HERC4: variants seen among roughly 807,000 people sequenced by gnomAD.
HERC4 encodes the protein probable E3 ubiquitin-protein ligase HERC4.
A neutral mutation model predicts 124.3 loss-of-function variants in HERC4; 28 were observed. The ratio of observed to expected loss-of-function variants is 0.23; its 90% CI spans 0.17 to 0.31. The LOEUF (loss-of-function observed/expected upper bound fraction) is 0.31, where lower values mean the gene tolerates loss of function less well. Ranked by LOEUF, HERC4 falls within the 10% of genes least tolerant of loss-of-function variation. HERC4 has a pLI of 1.00. For synonymous variants in HERC4, 407 were observed against 421.5 expected (o/e 0.97, Z 0.42); for missense variants, 713 against 1,229.3 (o/e 0.58, Z 6.28).
chr10:67,957,834 G>A (rs1442366731), intron 16 of HERC4, among the ~76,000 whole-genome samples: 1 of 151,914 alleles, frequency 6.6e-6, no homozygotes, highest in East Asian at 1.9e-4. Context: ...CCCATACAGA[G>A]TCTTGCACTG....
chr10:68,038,423 A>T (rs1589391253), intron 4 of HERC4: 1 of 307,948 alleles, frequency 3.2e-6, no homozygotes, highest in Middle Eastern at 9.4e-4. Context: ...AGTGAGCTAT[A>T]CTCATACCTC....
intron 15 of HERC4, among the ~76,000 whole-genome samples, chr10:67,967,287 C>A (rs541136936): frequency 2.0e-5 from 3 of 152,024 alleles, no homozygotes; most frequent in Non-Finnish European, 2.9e-5. Flanking sequence ...ATGGGAGACA[C>A]AAAGATTTGT....
chr10:67,925,630 T>C (rs938831280), intron 23 of HERC4, among the ~76,000 whole-genome samples: 8 of 152,108 alleles, frequency 5.3e-5, no homozygotes, highest in African/African-American at 1.9e-4. Flanking sequence ...TGGCCACCAG[T>C]GAGCACTGCC....
chr10:67,963,164 T>G (rs992956549), intron 16 of HERC4, among the ~76,000 whole-genome samples: 4 of 152,216 alleles, frequency 2.6e-5, no homozygotes, highest in Non-Finnish European at 5.9e-5. Context: ...TCTTCATCAT[T>G]ACAACATTCT....
intron 15 of HERC4, among the ~76,000 whole-genome samples, chr10:67,977,789 C>T (rs987522328): frequency 3.3e-5 from 5 of 152,026 alleles, no homozygotes; most frequent in Admixed American, 3.3e-4. Context: ...CAAGACCAGC[C>T]TGGCCAACAT....
rs2037013435 is a variant in HERC4 at position 67,998,298 on chromosome 10, A to C, written c.1070-5616T>G. On this transcript the variant is annotated intron_variant, in intron 9 of 24. Coordinates refer to ENST00000373700, the MANE Select transcript of HERC4 (RefSeq NM_015601.4). ...CATGGTGGCTCATGCCTGTAATCCCAGCATTTTGGGAGGCCGAGGCAGGCA... is the reference window on the plus strand; with the variant it reads ...CATGGTGGCTCATGCCTGTAATCCCCGCATTTTGGGAGGCCGAGGCAGGCA... 2.6e-5 allele frequency among the ~76,000 whole-genome samples: 4 copies of C among 151,724 alleles called. No individual in the cohort carries two copies. The South Asian group carries it at 8.4e-4, about 32-fold the overall frequency.
At chr10:67,984,200 G>A (rs556335379) in intron 15 of HERC4, among the ~76,000 whole-genome samples, 1 of 151,908 alleles carries the variant, frequency 6.6e-6, no homozygotes, top group Non-Finnish European at 1.5e-5. Context: ...CTACTCGGGA[G>A]GCTGAGGCAG....
intron 16 of HERC4, among the ~76,000 whole-genome samples, chr10:67,957,573 G>C (rs961364532): frequency 3.9e-5 from 6 of 152,176 alleles, no homozygotes; most frequent in African/African-American, 1.4e-4. Flanking sequence ...ATCCTGGCAG[G>C]TAATATATTG....
At chr10:68,039,590 C>T (rs1010049516) in intron 4 of HERC4, 1 of 1,497,754 alleles carries the variant, frequency 6.7e-7, no homozygotes, top group African/African-American at 1.4e-5. Flanking sequence ...CTCTTAACTA[C>T]AAAACCTGAG....
At chr10:68,068,999 G>A (rs2041439705) in intron 3 of HERC4, 1 of 962,342 alleles carries the variant, frequency 1.0e-6, no homozygotes, top group African/African-American at 1.8e-5. Context: ...TAGATAACAG[G>A]GCTTGTTTTT....
chr10:67,996,606 C>T (rs74636031), intron 9 of HERC4, among the ~76,000 whole-genome samples: 1 of 151,966 alleles, frequency 6.6e-6, no homozygotes, highest in Non-Finnish European at 1.5e-5. Context: ...AATTGAGAAA[C>T]TTAAAAAATA....
intron 15 of HERC4, 86 bp downstream of exon 15, chr10:67,988,577 C>A: frequency 1.1e-6 from 1 of 914,118 alleles, no homozygotes; most frequent in African/African-American, 1.7e-5. Context: ...CAATCTAAAT[C>A]TTTAATAGAT....
At chr10:68,039,038 GGTTACT>G (rs915127728) in intron 4 of HERC4, among the ~76,000 whole-genome samples, 1 of 151,688 alleles carries the variant, frequency 6.6e-6, no homozygotes, top group Admixed American at 6.6e-5. Flanking sequence ...ATTACAGGTG[GGTTACT>G]GTAATCCCAG....
At chr10:68,031,582 C>T (rs540704346) in intron 7 of HERC4, among the ~76,000 whole-genome samples, 62 of 152,218 alleles carry the variant, frequency 4.1e-4, no homozygotes, top group African/African-American at 1.4e-3. Flanking sequence ...TCCTTCCTTA[C>T]TAAAAGGCAA....
At chr10:68,042,129 C>T (rs2039800962) in intron 4 of HERC4, among the ~76,000 whole-genome samples, 1 of 152,170 alleles carries the variant, frequency 6.6e-6, no homozygotes, top group Non-Finnish European at 1.5e-5. Flanking sequence ...CAATTCTCTG[C>T]CTCAGCCTCC....
intron 13 of HERC4, among the ~76,000 whole-genome samples, chr10:67,990,687 G>A (rs138040388): frequency 1.7e-3 from 260 of 152,150 alleles, no homozygotes; most frequent in Middle Eastern, 3.4e-3. Flanking sequence ...CTTAAGCAAC[G>A]TGGTAATGTT....
intron 15 of HERC4, among the ~76,000 whole-genome samples, chr10:67,967,598 A>C (rs1292348347): frequency 1.3e-5 from 2 of 152,214 alleles, no homozygotes; most frequent in Admixed American, 6.5e-5. Context: ...CAAAGATAAA[A>C]ACAAATCTTT....
At chr10:68,021,905 A>G (rs927427117) in intron 8 of HERC4, among the ~76,000 whole-genome samples, 2 of 152,220 alleles carry the variant, frequency 1.3e-5, no homozygotes, top group Non-Finnish European at 2.9e-5. Context: ...AACACACTAA[A>G]GATTCCACAC....
intron 7 of HERC4, among the ~76,000 whole-genome samples, chr10:68,030,155 T>C (rs1350913785): frequency 6.6e-6 from 1 of 151,944 alleles, no homozygotes; most frequent in African/African-American, 2.4e-5. Context: ...TAAAAACATA[T>C]AAGGCCGGGT....
Sources: allele counts gnomAD v4.1 joint callset (sites outside exome capture counted in the v4.1 genomes callset), GRCh38; gene constraint gnomAD v4.1.1; transcripts MANE v1.5; gene names NCBI Gene and HGNC (gene_info 2026-07-23, HGNC 2026-07-21).